Variants in CLVS1 observed in about 807,000 individuals in gnomAD.
The protein encoded by CLVS1 is clavesin 1, also known as clavesin-1.
A neutral mutation model predicts 33.1 loss-of-function variants in CLVS1; 10 were observed. The observed-to-expected ratio is 0.30, with a 90% confidence interval of 0.19 to 0.51. The LOEUF (loss-of-function observed/expected upper bound fraction) is 0.51, where lower values mean the gene tolerates loss of function less well. Ranked by LOEUF, CLVS1 falls within the 20% of genes least tolerant of loss-of-function variation. The probability of loss-of-function intolerance (pLI) is 0.97; values close to 1 mark genes in which losing one functional copy is unlikely to be tolerated. For missense variants in CLVS1, 343 were observed against 433.4 expected (o/e 0.79, Z 1.85); for synonymous variants, 163 against 166.1 (o/e 0.98, Z 0.14).
the CLVS1 span, among the ~76,000 whole-genome samples, chr8:60,989,549 C>T: frequency 4.6e-5 from 7 of 152,152 alleles, no homozygotes; most frequent in African/African-American, 7.2e-5. Context: ...TCTTTGTCTA[C>T]GTGACCCCTG....
chr8:61,080,543 T>C (rs1053801481), intron 1 of CLVS1, among the ~76,000 whole-genome samples: 2 of 152,252 alleles, frequency 1.3e-5, no homozygotes, highest in Non-Finnish European at 2.9e-5. Flanking sequence ...AAGGATATAC[T>C]GTAATCTACT....
In CLVS1 at chr8:61,500,743, G is replaced by GTATT. The variant is rs1554582947; in HGVS notation, c.*1206_*1209dup. On this transcript the variant is annotated 3_prime_UTR_variant, in exon 6 of 6. Coordinates refer to ENST00000325897, the MANE Select transcript of CLVS1 (RefSeq NM_173519.3). ...TCGCCCAGCCATCTGCATGACATGG[G>GTATT]TATTTATTAGTATTACCAGTTGGTG... The GTATT allele has an allele frequency of 2.1e-4, 32 of 152,214 alleles. No individual in the cohort carries two copies. Among genetic ancestry groups the GTATT allele is most frequent in the African/African-American group, 7.7e-4 (32 of 41,514 alleles). The allele number at this position is 152,214 out of a possible 1,614,324, so 9.4% of individuals were successfully genotyped here.
chr8:61,462,168 G>T (rs1387943281), intron 5 of CLVS1, among the ~76,000 whole-genome samples: 1 of 152,156 alleles, frequency 6.6e-6, no homozygotes, highest in Non-Finnish European at 1.5e-5. Context: ...AAAAGGAGGA[G>T]TAACATTCAT....
intron 2 of CLVS1, among the ~76,000 whole-genome samples, chr8:61,138,934 T>C (rs1806246996): frequency 6.6e-6 from 1 of 152,260 alleles, no homozygotes; most frequent in Non-Finnish European, 1.5e-5. Flanking sequence ...ACATCTTTGT[T>C]CCAAACCAGA....
intron 1 of CLVS1, among the ~76,000 whole-genome samples, chr8:61,084,570 G>A (rs569384461): frequency 6.6e-6 from 1 of 152,178 alleles, no homozygotes; most frequent in African/African-American, 2.4e-5. Context: ...TTGCCCAAAA[G>A]GTCAATCGTG....
chr8:61,292,958 G>C (rs780210771), intron 1 of CLVS1, among the ~76,000 whole-genome samples: 7 of 152,214 alleles, frequency 4.6e-5, no homozygotes, highest in Middle Eastern at 6.8e-3. Flanking sequence ...TTCTGACCTG[G>C]CATCTATTTT....
At chr8:61,469,712 G>A (rs1817672363) in intron 5 of CLVS1, among the ~76,000 whole-genome samples, 1 of 152,172 alleles carries the variant, frequency 6.6e-6, no homozygotes, top group South Asian at 2.1e-4. Flanking sequence ...TTGGCAGTGT[G>A]GGAACAGGAG....
At chr8:61,395,333 G>A (rs2129603165) in intron 3 of CLVS1, among the ~76,000 whole-genome samples, 1 of 152,276 alleles carries the variant, frequency 6.6e-6, no homozygotes, top group East Asian at 1.9e-4. Flanking sequence ...GGGAAAGGTT[G>A]ACCAAAGGGT....
chr8:61,331,207 T>C (rs1314819718), intron 2 of CLVS1, among the ~76,000 whole-genome samples: 3 of 152,226 alleles, frequency 2.0e-5, no homozygotes, highest in Non-Finnish European at 4.4e-5. Flanking sequence ...CTTCCAATAT[T>C]GTCATTACTT....
chr8:61,331,525 C>T (rs960369853), intron 2 of CLVS1, among the ~76,000 whole-genome samples: 1 of 116,806 alleles, frequency 8.6e-6, no homozygotes, highest in African/African-American at 2.7e-5. Context: ...GAATTGCCTT[C>T]CCAATTAAAA....
intron 5 of CLVS1, among the ~76,000 whole-genome samples, chr8:61,491,014 C>A (rs998990741): frequency 2.6e-5 from 4 of 151,376 alleles, no homozygotes; most frequent in Non-Finnish European, 5.9e-5. Flanking sequence ...ACTCATGAAG[C>A]CTAAATGTAT....
chr8:61,453,693 A>C (rs1428917159), intron 3 of CLVS1, among the ~76,000 whole-genome samples: 1 of 152,202 alleles, frequency 6.6e-6, no homozygotes, highest in Non-Finnish European at 1.5e-5. Flanking sequence ...ACTCACCCAG[A>C]AAGTTCAGTT....
intron 2 of CLVS1, among the ~76,000 whole-genome samples, chr8:61,215,699 T>A (rs1296519015): frequency 3.6e-5 from 3 of 83,358 alleles, no homozygotes; most frequent in African/African-American, 1.6e-4. Context: ...TGTGTGTGTG[T>A]GTGTGTGTGT....
the CLVS1 span, among the ~76,000 whole-genome samples, chr8:60,990,373 G>T: frequency 6.6e-6 from 1 of 152,138 alleles, no homozygotes; most frequent in East Asian, 1.9e-4. Context: ...TTAAAACAAA[G>T]CCTTTATCCA....
intron 2 of CLVS1, among the ~76,000 whole-genome samples, chr8:61,253,210 G>A (rs994126324): frequency 2.0e-5 from 3 of 152,096 alleles, no homozygotes; most frequent in Admixed American, 6.6e-5. Flanking sequence ...GAAATTTTGG[G>A]TTGAAAATTC....
At chr8:61,432,822 T>C (rs554981697) in intron 3 of CLVS1, among the ~76,000 whole-genome samples, 1 of 152,130 alleles carries the variant, frequency 6.6e-6, no homozygotes, top group Non-Finnish European at 1.5e-5. Flanking sequence ...AGGTTGAGGA[T>C]GTAGGTTGAA....
At chr8:61,196,390 G>T (rs1807609486) in intron 2 of CLVS1, among the ~76,000 whole-genome samples, 1 of 152,148 alleles carries the variant, frequency 6.6e-6, no homozygotes, top group Non-Finnish European at 1.5e-5. Context: ...TGCTGGTTGA[G>T]ATCACAATTT....
intron 2 of CLVS1, among the ~76,000 whole-genome samples, chr8:61,267,358 G>A (rs1190013406): frequency 6.6e-6 from 1 of 151,452 alleles, no homozygotes; most frequent in Non-Finnish European, 1.5e-5. Flanking sequence ...TGTGTTCCTG[G>A]CTGTATTTAA....
At chr8:61,268,182 A>G (rs1809352950) in intron 2 of CLVS1, among the ~76,000 whole-genome samples, 1 of 105,264 alleles carries the variant, frequency 9.5e-6, no homozygotes, top group South Asian at 3.4e-4. Context: ...CCACCCCACA[A>G]CAGTCCCCGG....
Sources: gnomAD v4.1 joint callset for allele counts (sites outside exome capture counted in the v4.1 genomes callset) on GRCh38, gnomAD v4.1.1 for gene constraint, MANE v1.5 for transcripts, NCBI Gene and HGNC (gene_info 2026-07-23, HGNC 2026-07-21) for gene names.